RAB38: variants seen among roughly 807,000 people sequenced by gnomAD.
The protein encoded by RAB38 is ras-related protein Rab-38.
RAB38 carries 15 observed loss-of-function variants against 18.4 expected under a neutral mutation model. That is an observed-to-expected ratio of 0.82 (90% CI 0.55 to 1.26). RAB38 has a LOEUF of 1.26. RAB38 is among the 50% of genes most tolerant of loss of function. The pLI is 0.00. For synonymous variants in RAB38, 101 were observed against 104.4 expected (o/e 0.97, Z 0.20); for missense variants, 294 against 267.4 (o/e 1.10, Z -0.69).
chr11:88,058,337 G>A, the RAB38 span, among the ~76,000 whole-genome samples: 1 of 152,094 alleles, frequency 6.6e-6, no homozygotes, highest in African/African-American at 2.4e-5. Flanking sequence ...ATAATCTTCA[G>A]ACAGTCCTCC....
chr11:87,914,946 C>T, the RAB38 span, among the ~76,000 whole-genome samples: 2 of 152,126 alleles, frequency 1.3e-5, no homozygotes, highest in African/African-American at 2.4e-5. Context: ...GCAAAAGCCA[C>T]AGAGGCTTGG....
At chr11:88,167,988 G>A (rs1943264951) in intron 1 of RAB38, among the ~76,000 whole-genome samples, 1 of 152,146 alleles carries the variant, frequency 6.6e-6, no homozygotes, top group African/African-American at 2.4e-5. Flanking sequence ...TCTCCAAAGT[G>A]AATCATCAGA....
At chr11:88,005,411 C>T in the RAB38 span, among the ~76,000 whole-genome samples, 1 of 150,982 alleles carries the variant, frequency 6.6e-6, no homozygotes, top group South Asian at 2.1e-4. Flanking sequence ...AAAAAATATC[C>T]TACAACTGGA....
chr11:88,143,715 A>C (rs1942946247), intron 2 of RAB38, among the ~76,000 whole-genome samples: 1 of 152,226 alleles, frequency 6.6e-6, no homozygotes, highest in Non-Finnish European at 1.5e-5. Flanking sequence ...TGAAACAGGA[A>C]AGATCTGAGC....
At chr11:87,975,695 A>G in the RAB38 span, among the ~76,000 whole-genome samples, 1 of 151,866 alleles carries the variant, frequency 6.6e-6, no homozygotes, top group Non-Finnish European at 1.5e-5. Flanking sequence ...CATTTTCTAT[A>G]AATCTTTAAT....
the RAB38 span, among the ~76,000 whole-genome samples, chr11:87,887,086 G>A: frequency 8.5e-5 from 13 of 152,068 alleles, no homozygotes; most frequent in South Asian, 2.7e-3. Flanking sequence ...TGCTAAGTGT[G>A]ACAAAATCAC....
chr11:87,950,578 C>T, the RAB38 span, among the ~76,000 whole-genome samples: 1 of 152,108 alleles, frequency 6.6e-6, no homozygotes, highest in African/African-American at 2.4e-5. Context: ...TAAGGCAGGC[C>T]TGGTAGTGAC....
At chr11:88,065,030 T>C in the RAB38 span, among the ~76,000 whole-genome samples, 3 of 152,196 alleles carry the variant, frequency 2.0e-5, no homozygotes, top group Non-Finnish European at 4.4e-5. Context: ...CCATGATTCT[T>C]GACTTTTCAT....
At chr11:88,091,560 G>A in the RAB38 span, among the ~76,000 whole-genome samples, 7 of 152,086 alleles carry the variant, frequency 4.6e-5, no homozygotes, top group East Asian at 2.0e-4. Flanking sequence ...CCCACAGACC[G>A]CTGATTGCCA....
At chr11:88,025,280 A>G in the RAB38 span, among the ~76,000 whole-genome samples, 1 of 151,696 alleles carries the variant, frequency 6.6e-6, no homozygotes, top group Non-Finnish European at 1.5e-5. Context: ...CCAATCCATC[A>G]TTGATGGGCA....
At chr11:87,962,640 G>A in the RAB38 span, among the ~76,000 whole-genome samples, 4 of 152,156 alleles carry the variant, frequency 2.6e-5, no homozygotes, top group Non-Finnish European at 5.9e-5. Flanking sequence ...TCCAAGTCAT[G>A]CAAACATGTT....
At chr11:88,079,582 A>G in the RAB38 span, among the ~76,000 whole-genome samples, 1 of 151,840 alleles carries the variant, frequency 6.6e-6, no homozygotes, top group Non-Finnish European at 1.5e-5. Context: ...CCTGATATCA[A>G]AACTATTACA....
At chr11:87,851,323 A>G in the RAB38 span, among the ~76,000 whole-genome samples, 3 of 152,220 alleles carry the variant, frequency 2.0e-5, no homozygotes, top group Non-Finnish European at 4.4e-5. Flanking sequence ...CATGGCAGTT[A>G]ATAAAAATGG....
At chr11:88,153,536 G>T (rs1311340740) in intron 1 of RAB38, among the ~76,000 whole-genome samples, 1 of 151,952 alleles carries the variant, frequency 6.6e-6, no homozygotes, top group African/African-American at 2.4e-5. Context: ...TCCTCACCTG[G>T]ACCCCTGGCA....
chr11:87,820,434 A>T, the RAB38 span, among the ~76,000 whole-genome samples: 1 of 152,228 alleles, frequency 6.6e-6, no homozygotes, highest in Non-Finnish European at 1.5e-5. Flanking sequence ...ACAGTGTGAA[A>T]ATTGAGAAAC....
chr11:88,071,294 C>T, the RAB38 span, among the ~76,000 whole-genome samples: 1 of 151,460 alleles, frequency 6.6e-6, no homozygotes, highest in East Asian at 1.9e-4. Context: ...AGATATACCA[C>T]TTCTGGGAAG....
chr11:88,152,692 C>A (rs570782026), intron 1 of RAB38, among the ~76,000 whole-genome samples: 1 of 152,240 alleles, frequency 6.6e-6, no homozygotes, highest in South Asian at 2.1e-4. Flanking sequence ...CCATGTGACT[C>A]AGAGTGAGTG....
the RAB38 span, among the ~76,000 whole-genome samples, chr11:88,043,386 T>C: frequency 6.6e-6 from 1 of 151,922 alleles, no homozygotes; most frequent in Non-Finnish European, 1.5e-5. Context: ...GGGAAGGAGA[T>C]AGGGAGGAAA....
At chr11:87,896,558 T>C in the RAB38 span, among the ~76,000 whole-genome samples, 1 of 151,624 alleles carries the variant, frequency 6.6e-6, no homozygotes, top group Admixed American at 6.6e-5. Context: ...CTGAAAATTT[T>C]CCAAAGTAAC....
Sources: allele counts gnomAD v4.1 joint callset (sites outside exome capture counted in the v4.1 genomes callset), GRCh38; gene constraint gnomAD v4.1.1; transcripts MANE v1.5; gene names NCBI Gene and HGNC (gene_info 2026-07-23, HGNC 2026-07-21).